EPHA6: variants seen among roughly 807,000 people sequenced by gnomAD.
EPHA6 encodes EPH receptor A6, also known as ephrin type-A receptor 6.
Under a neutral mutation model 112.0 loss-of-function variants are expected in EPHA6, and 50 were observed. That is an observed-to-expected ratio of 0.45 (90% confidence interval 0.36 to 0.56). The LOEUF (loss-of-function observed/expected upper bound fraction) is 0.56. EPHA6 is among the 20% of genes least tolerant of loss of function. EPHA6 has a pLI of 0.00. For synonymous variants in EPHA6, 529 were observed against 490.7 expected (o/e 1.08, Z -1.03); for missense variants, 1,280 against 1,417.4 (o/e 0.90, Z 1.56).
chr3:96,923,976 G>A (rs1646573561), intron 2 of EPHA6, among the ~76,000 whole-genome samples: 1 of 151,930 alleles, frequency 6.6e-6, no homozygotes, highest in South Asian at 2.1e-4. Flanking sequence ...TATTCTGTGG[G>A]TTCTTTACTT....
At chr3:96,898,081 T>G (rs1431531308) in intron 2 of EPHA6, among the ~76,000 whole-genome samples, 1 of 152,200 alleles carries the variant, frequency 6.6e-6, no homozygotes, top group Non-Finnish European at 1.5e-5. Flanking sequence ...AAATCAATGT[T>G]GTTGAAGTTG....
intron 10 of EPHA6, among the ~76,000 whole-genome samples, chr3:97,505,827 C>G (rs1407194372): frequency 6.6e-6 from 1 of 152,220 alleles, no homozygotes; most frequent in Non-Finnish European, 1.5e-5. Context: ...TCCTATTTCT[C>G]CACATCCTCT....
intron 9 of EPHA6, 67 bp from the exon 10 acceptor site, chr3:97,483,867 A>G: frequency 7.6e-6 from 11 of 1,442,856 alleles, no homozygotes; most frequent in Non-Finnish European, 8.2e-6. Flanking sequence ...CCGGTTTTAA[A>G]TGTTCACAAG....
chr3:97,482,323 T>C (rs2091575888), intron 9 of EPHA6, among the ~76,000 whole-genome samples: 1 of 152,228 alleles, frequency 6.6e-6, no homozygotes, highest in African/African-American at 2.4e-5. Context: ...TAGTGGCTAC[T>C]AGGTTTGAGG....
At chr3:96,882,300 A>C (rs1455024282) in intron 2 of EPHA6, among the ~76,000 whole-genome samples, 2 of 152,136 alleles carry the variant, frequency 1.3e-5, no homozygotes, top group Non-Finnish European at 2.9e-5. Context: ...AGGTGTTTCC[A>C]TACATCTTCT....
At chr3:96,959,722 G>C (rs1027942027) in intron 2 of EPHA6, among the ~76,000 whole-genome samples, 8 of 151,852 alleles carry the variant, frequency 5.3e-5, no homozygotes, top group African/African-American at 1.9e-4. Flanking sequence ...TGGATATCCA[G>C]CTGTCTTGTT....
intron 5 of EPHA6, among the ~76,000 whole-genome samples, chr3:97,339,889 A>G (rs1158595840): frequency 1.3e-5 from 2 of 152,214 alleles, no homozygotes; most frequent in African/African-American, 2.4e-5. Context: ...ACAGAAGGTC[A>G]TAAAACAGAA....
intron 5 of EPHA6, among the ~76,000 whole-genome samples, chr3:97,315,576 T>G (rs2081787541): frequency 6.6e-6 from 1 of 151,798 alleles, no homozygotes; most frequent in Middle Eastern, 3.4e-3. Flanking sequence ...GCATGTTATT[T>G]AGATATAATT....
intron 3 of EPHA6, among the ~76,000 whole-genome samples, chr3:97,214,132 A>G (rs981633062): frequency 3.3e-5 from 5 of 151,494 alleles, no homozygotes; most frequent in Admixed American, 1.3e-4. Flanking sequence ...TCCGCCTCCC[A>G]GGTTCAAGTG....
At chr3:97,737,525 G>C (rs1344026052) in intron 16 of EPHA6, among the ~76,000 whole-genome samples, 1 of 151,910 alleles carries the variant, frequency 6.6e-6, no homozygotes, top group Non-Finnish European at 1.5e-5. Flanking sequence ...TGGAGGGAGG[G>C]AGGAGAAAAA....
chr3:97,019,357 A>G (rs116649473), intron 3 of EPHA6, among the ~76,000 whole-genome samples: 6 of 152,196 alleles, frequency 3.9e-5, no homozygotes, highest in Non-Finnish European at 4.4e-5. Context: ...TCTCACACAT[A>G]TGTACTAATC....
At chr3:96,956,904 G>A (rs765469598) in intron 2 of EPHA6, among the ~76,000 whole-genome samples, 17 of 151,758 alleles carry the variant, frequency 1.1e-4, no homozygotes, top group Non-Finnish European at 1.5e-4. Flanking sequence ...GTGGTGATAC[G>A]TGCCTGTAGT....
chr3:97,361,659 C>A (rs977898400), intron 5 of EPHA6, among the ~76,000 whole-genome samples: 2 of 152,140 alleles, frequency 1.3e-5, no homozygotes, highest in Non-Finnish European at 2.9e-5. Context: ...TGGCATCTAT[C>A]TTTTTATAAA....
At chr3:97,345,342 G>A (rs1014063385) in intron 5 of EPHA6, among the ~76,000 whole-genome samples, 1 of 152,190 alleles carries the variant, frequency 6.6e-6, no homozygotes, top group African/African-American at 2.4e-5. Flanking sequence ...AGCCAAGAGT[G>A]CAAGGAAAGC....
chr3:97,156,168 G>C (rs2076285494), intron 3 of EPHA6, among the ~76,000 whole-genome samples: 1 of 152,036 alleles, frequency 6.6e-6, no homozygotes, highest in East Asian at 1.9e-4. Flanking sequence ...AAATAATACT[G>C]GTCAGAGTCA....
intron 11 of EPHA6, among the ~76,000 whole-genome samples, chr3:97,581,901 G>A (rs2093442288): frequency 6.6e-6 from 1 of 152,142 alleles, no homozygotes; most frequent in African/African-American, 2.4e-5. Flanking sequence ...GCCAATATGG[G>A]GTATTCTTTC....
intron 10 of EPHA6, among the ~76,000 whole-genome samples, chr3:97,500,991 G>A (rs563736451): frequency 1.4e-4 from 22 of 152,058 alleles, no homozygotes; most frequent in South Asian, 4.2e-4. Context: ...CCTACTCTTC[G>A]TAATATTTTC....
chr3:97,199,351 T>TA (rs2077520728), intron 3 of EPHA6, among the ~76,000 whole-genome samples: 1 of 152,128 alleles, frequency 6.6e-6, no homozygotes, highest in Admixed American at 6.6e-5. Flanking sequence ...CACATGCATA[T>TA]AATGTAATAA....
At chr3:96,980,150 A>G (rs1419524958) in intron 2 of EPHA6, among the ~76,000 whole-genome samples, 1 of 152,006 alleles carries the variant, frequency 6.6e-6, no homozygotes, top group South Asian at 2.1e-4. Flanking sequence ...GAACGGTATT[A>G]CCTAGGTTTT....
Sources: gnomAD v4.1 joint callset for allele counts (sites outside exome capture counted in the v4.1 genomes callset) on GRCh38, gnomAD v4.1.1 for gene constraint, MANE v1.5 for transcripts, NCBI Gene and HGNC (gene_info 2026-07-23, HGNC 2026-07-21) for gene names.